The following KCTD15 variants were observed in gnomAD, a reference collection of about 807,000 sequenced individuals.
The protein encoded by KCTD15 is potassium channel tetramerization domain containing 15.
KCTD15 carries 11 observed loss-of-function variants against 27.2 expected under a neutral mutation model. The ratio of observed to expected loss-of-function variants is 0.41; its 90% CI spans 0.25 to 0.67. The LOEUF (loss-of-function observed/expected upper bound fraction) is 0.67, where lower values mean the gene tolerates loss of function less well. KCTD15 is among the 30% of genes least tolerant of loss of function. KCTD15 has a pLI of 0.35. For synonymous variants in KCTD15, 163 were observed against 176.0 expected, an observed-to-expected ratio of 0.93 and a Z score of 0.58; for missense variants, 350 against 409.3, an observed-to-expected ratio of 0.86 and a Z score of 1.25.
Position 33,813,865 on chromosome 19 carries a change from C to T in KCTD15, c.*917C>T, listed in dbSNP as rs532948062. 1.0e-3 allele frequency: 158 copies of T among 157,758 alleles called. No individual in the cohort carries two copies. The highest frequency in any genetic ancestry group is 3.6e-3 in the African/African-American group (149 of 41,602). The allele number at this position is 157,758 out of a possible 1,614,324, so 9.8% of individuals were successfully genotyped here. On this transcript the variant is annotated 3_prime_UTR_variant, in exon 7 of 7. Coordinates refer to ENST00000683859, the MANE Select transcript of KCTD15 (RefSeq NM_001129994.2). ...CATCCCCAGCTCCAGTTTTCTCATG[C>T]GAATATGCACAGTTTTAATTCACGT...
At chr19:33,800,406 G>A (rs764349164) in intron 2 of KCTD15, 22 bp from the exon 3 acceptor site, 1 of 1,555,748 alleles carries the variant, frequency 6.4e-7, no homozygotes, top group South Asian at 1.2e-5. Flanking sequence ...GCCTTCTCTG[G>A]TTTTGTCGAT....
At chr19:33,808,303 AAC>A (rs1975776144) in intron 5 of KCTD15, among the ~76,000 whole-genome samples, 1 of 152,224 alleles carries the variant, frequency 6.6e-6, no homozygotes, top group Non-Finnish European at 1.5e-5. Context: ...AAAACAGTGA[AAC>A]ACACACACTA....
intron 1 of KCTD15, chr19:33,797,535 G>A (rs1355554070): frequency 8.1e-6 from 3 of 370,220 alleles, no homozygotes; most frequent in Non-Finnish European, 1.7e-5. Flanking sequence ...GGTGGTCCCG[G>A]GCGCGCAGGG....
intron 5 of KCTD15, among the ~76,000 whole-genome samples, chr19:33,810,909 C>T (rs1975878886): frequency 6.6e-6 from 1 of 151,968 alleles, no homozygotes; most frequent in Non-Finnish European, 1.5e-5. Flanking sequence ...CAGCAGGTCC[C>T]CAGGCATAGG....
chr19:33,811,636 G>A, intron 6 of KCTD15, 84 bp downstream of exon 6: 1 of 1,528,738 alleles, frequency 6.5e-7, no homozygotes. Flanking sequence ...GGAGGGAGGC[G>A]CGATCCCTGA....
chr19:33,800,655 T>G (rs1975505449), intron 3 of KCTD15, 135 bp downstream of exon 3: 1 of 776,818 alleles, frequency 1.3e-6, no homozygotes, highest in Admixed American at 2.8e-5. Context: ...GGATTATGTA[T>G]TTTTGAAACA....
intron 4 of KCTD15, among the ~76,000 whole-genome samples, chr19:33,802,047 C>T (rs548145387): frequency 2.6e-5 from 4 of 152,146 alleles, no homozygotes; most frequent in Admixed American, 1.3e-4. Context: ...CTTGGGCCTG[C>T]GAGAGGTTTG....
At position 33,804,418 on chromosome 19, in the gene KCTD15, G is replaced by A. The variant is rs965540115; in HGVS notation, c.243-2445G>A. Among the ~76,000 whole-genome samples, 6 of 152,220 alleles carry A rather than the reference G, an allele frequency of 3.9e-5. 1 individual carries two copies. Among genetic ancestry groups the A allele is most frequent in the African/African-American group, 1.2e-4 (5 of 41,466 alleles). Reference sequence around the variant, plus strand: ...AGCTAGAGCCTCAGCCAGACCTGACGTCAGAAGGGTTGGGAACTCAGCCAG... The same window carrying A: ...AGCTAGAGCCTCAGCCAGACCTGACATCAGAAGGGTTGGGAACTCAGCCAG... On this transcript the variant is annotated intron_variant, in intron 4 of 6. Coordinates refer to ENST00000683859, the MANE Select transcript of KCTD15 (RefSeq NM_001129994.2).
chr19:33,802,433 C>T (rs376037747), intron 4 of KCTD15, among the ~76,000 whole-genome samples: 4 of 152,194 alleles, frequency 2.6e-5, no homozygotes, highest in East Asian at 3.9e-4. Context: ...AGGTGGCTTT[C>T]CAAGCCTGTT....
rs1485413125 is a variant in KCTD15, at chr19:33,813,194, C to G, written c.*246C>G. On this transcript the variant is annotated 3_prime_UTR_variant, in exon 7 of 7. Coordinates refer to ENST00000683859, the MANE Select transcript of KCTD15 (RefSeq NM_001129994.2). ...GGTGGGATCTCTGCTGCCAGCTCTC[C>G]CAGCCCCTCAGCTTCGCAGCCTGGC... The G allele has an allele frequency of 3.2e-6, 2 of 628,804 alleles. No homozygotes were observed. Among genetic ancestry groups the G allele is most frequent in the Middle Eastern group, 2.5e-4 (1 of 3,982 alleles). The allele number at this position is 628,804 out of a possible 1,614,324, so 39.0% of individuals were successfully genotyped here. A position where few individuals can be genotyped will look rare whatever the true frequency, so the allele number is the denominator to read the frequency against.
At chr19:33,809,413 G>T (rs1250626582) in intron 5 of KCTD15, among the ~76,000 whole-genome samples, 1 of 152,220 alleles carries the variant, frequency 6.6e-6, no homozygotes, top group Non-Finnish European at 1.5e-5. Flanking sequence ...GGTGCCCCGG[G>T]ACTTGTGGCT....
intron 2 of KCTD15, among the ~76,000 whole-genome samples, chr19:33,799,277 G>A (rs953966685): frequency 6.6e-6 from 1 of 152,166 alleles, no homozygotes; most frequent in Non-Finnish European, 1.5e-5. Flanking sequence ...GATTAAAATT[G>A]GATATTGAAT....
chr19:33,809,870 A>G (rs891488165), intron 5 of KCTD15, among the ~76,000 whole-genome samples: 1 of 152,146 alleles, frequency 6.6e-6, no homozygotes, highest in Non-Finnish European at 1.5e-5. Context: ...GACCCTGTCT[A>G]AAGAAAATAA....
chr19:33,797,797 A>G (rs1413674583), intron 1 of KCTD15, among the ~76,000 whole-genome samples: 1 of 152,226 alleles, frequency 6.6e-6, no homozygotes, highest in Non-Finnish European at 1.5e-5. Context: ...TGCACGAGTG[A>G]ATAACAGCAT....
Position 33,811,385 on chromosome 19 carries a change from G to T in KCTD15, c.526G>T (p.Asp176Tyr). The T allele has an allele frequency of 6.2e-7, 1 of 1,600,602 alleles. No homozygotes were observed. The highest frequency in any genetic ancestry group is 2.3e-5 in the East Asian group (1 of 43,836). ...CTGCCTGGTGGTGCGCGTCACGCCC[G>T]ACTTGGGCGAGCGGATCGCACTCAG... Reference protein sequence around the residue: ...CDCLVVRVTPDLGERIALSGE... With the variant: ...CDCLVVRVTPYLGERIALSGE... The change falls in exon 6 of 7, where the codon GAC becomes TAC. Residue 176 changes from aspartate (D) to tyrosine (Y), a missense_variant. Physicochemically the swap from Asp to Tyr is radical, Grantham distance 160. Transcript: ENST00000683859.
chr19:33,810,680 AAAAAAAAC>A (rs1306819932), intron 5 of KCTD15, among the ~76,000 whole-genome samples: 11 of 136,856 alleles, frequency 8.0e-5, no homozygotes, highest in African/African-American at 2.9e-4. Context: ...AAAAACAAAA[AAAAAAAAC>A]AAAAAAAAAC....
chr19:33,801,107 T>G, intron 3 of KCTD15, 60 bp from the exon 4 acceptor site: 6 of 1,487,584 alleles, frequency 4.0e-6, no homozygotes, highest in South Asian at 1.3e-5. Flanking sequence ...GGCTGTGTTG[T>G]GGAGAAACTC....
chr19:33,813,158 A>G lies in KCTD15; in HGVS notation c.*210A>G, dbSNP rs1034404288. On this transcript the variant is annotated 3_prime_UTR_variant, in exon 7 of 7. Coordinates refer to ENST00000683859, the MANE Select transcript of KCTD15 (RefSeq NM_001129994.2). ...TGCAGAAGGACTGTTGATGCGACCC[A>G]AAGATACAGCGGTGGGATCTCTGCT... 1.1e-4 allele frequency: 70 copies of G among 628,950 alleles called. No individual in the cohort carries two copies. The highest frequency in any genetic ancestry group is 1.7e-4 in the Non-Finnish European group (60 of 352,102). 39.0% of individuals were successfully genotyped at this position (628,950 alleles called of 1,614,324 possible). A position where few individuals can be genotyped will look rare whatever the true frequency, so the allele number is the denominator to read the frequency against.
At position 33,815,080 on chromosome 19, in the gene KCTD15, GT is replaced by G. The variant is rs1251721598; in HGVS notation, c.*2133del. 6.6e-6 allele frequency: 1 copy of G among 152,178 alleles called. No individual in the cohort carries two copies. Among genetic ancestry groups the G allele is most frequent in the African/African-American group, 2.4e-5 (1 of 41,440 alleles). The allele number at this position is 152,178 out of a possible 1,614,324, so 9.4% of individuals were successfully genotyped here. A position where few individuals can be genotyped will look rare whatever the true frequency, so the allele number is the denominator to read the frequency against. On this transcript the variant is annotated 3_prime_UTR_variant, in exon 7 of 7. Coordinates refer to ENST00000683859, the MANE Select transcript of KCTD15 (RefSeq NM_001129994.2). ...TCTTGTGAAAACAGCTCGCTGCTGT[GT>G]ATGTTTATGGATTTTTCTGATATAA...
Sources: gnomAD v4.1 joint callset for allele counts (sites outside exome capture counted in the v4.1 genomes callset) on GRCh38, gnomAD v4.1.1 for gene constraint, MANE v1.5 for transcripts, NCBI Gene and HGNC (gene_info 2026-07-23, HGNC 2026-07-21) for gene names.